Variants in GPD2 observed in about 807,000 individuals in gnomAD.
GPD2 encodes the protein glycerol-3-phosphate dehydrogenase 2.
In GPD2, 54 loss-of-function variants were observed where a neutral mutation model predicts 82.4. That is an observed-to-expected ratio of 0.66 (90% CI 0.53 to 0.82). GPD2 has a LOEUF of 0.82. Ranked by LOEUF, GPD2 falls within the 40% of genes least tolerant of loss-of-function variation. The pLI is 0.00. For missense variants in GPD2, 748 were observed against 896.2 expected (o/e 0.83, Z 2.11); for synonymous variants, 288 against 306.1 (o/e 0.94, Z 0.62).
intron 9 of GPD2, among the ~76,000 whole-genome samples, chr2:156,566,774 C>T (rs1030116433): frequency 4.6e-5 from 7 of 152,054 alleles, no homozygotes; most frequent in Non-Finnish European, 7.4e-5. Flanking sequence ...TTTGAGGAAT[C>T]GCCATACATT....
chr2:156,457,293 C>T (rs1682820674), intron 1 of GPD2, among the ~76,000 whole-genome samples: 1 of 152,136 alleles, frequency 6.6e-6, no homozygotes, highest in Non-Finnish European at 1.5e-5. Flanking sequence ...TTAACTCAGG[C>T]CACAAACCTT....
At chr2:156,482,826 A>G (rs1486171072) in intron 2 of GPD2, among the ~76,000 whole-genome samples, 3 of 152,218 alleles carry the variant, frequency 2.0e-5, no homozygotes, top group African/African-American at 7.2e-5. Flanking sequence ...AAAAACCCTG[A>G]TAACAGTGAT....
chr2:156,431,220 T>C (rs1688312778), upstream of GPD2, among the ~76,000 whole-genome samples: 1 of 152,228 alleles, frequency 6.6e-6, no homozygotes. Flanking sequence ...TTCCAAATGC[T>C]GAGTCATTCT....
chr2:156,584,724 TGTGGCTTTACAACTTA>T lies in GPD2; in HGVS notation c.*1810_*1825del, dbSNP rs1688153740. 6.6e-6 allele frequency: 1 copy of T among 152,488 alleles called. No individual in the cohort carries two copies. Among genetic ancestry groups the T allele is most frequent in the Non-Finnish European group, 1.5e-5 (1 of 67,966 alleles). 9.4% of individuals were successfully genotyped at this position (152,488 alleles called of 1,614,324 possible). A position where few individuals can be genotyped will look rare whatever the true frequency, so the allele number is the denominator to read the frequency against. ...TCATTTTTTTAAAGTAATTGAAGCT[TGTGGCTTTACAACTTA>T]GTGTTTTTTGCTATCCAGATAACAA... On this transcript the variant is annotated 3_prime_UTR_variant, in exon 17 of 17. Transcript: ENST00000438166.
chr2:156,404,134 G>A, the GPD2 span, among the ~76,000 whole-genome samples: 137 of 152,204 alleles, frequency 9.0e-4, no homozygotes, highest in Middle Eastern at 3.4e-3. Flanking sequence ...TTGAGAGGCC[G>A]AGACAGAAGG....
At chr2:156,534,606 A>G (rs1323134520) in intron 6 of GPD2, among the ~76,000 whole-genome samples, 3 of 152,224 alleles carry the variant, frequency 2.0e-5, no homozygotes, top group East Asian at 1.9e-4. Context: ...TGGAATGACT[A>G]TAAAGGAAGC....
At chr2:156,402,798 G>A in the GPD2 span, among the ~76,000 whole-genome samples, 3 of 152,218 alleles carry the variant, frequency 2.0e-5, no homozygotes, top group African/African-American at 4.8e-5. Flanking sequence ...TTACAGGGGT[G>A]AGCCACTGTG....
At chr2:156,552,759 G>A (rs1686806329) in intron 8 of GPD2, among the ~76,000 whole-genome samples, 1 of 152,164 alleles carries the variant, frequency 6.6e-6, no homozygotes, top group Non-Finnish European at 1.5e-5. Context: ...TGCTCCTTCA[G>A]AGTTTAGAGA....
chr2:156,498,979 G>A (rs1200616714), intron 3 of GPD2, among the ~76,000 whole-genome samples: 3 of 152,082 alleles, frequency 2.0e-5, no homozygotes, highest in Non-Finnish European at 2.9e-5. Context: ...CAAACATAAG[G>A]AACAAGGTCT....
At chr2:156,525,900 C>T (rs1030360501) in intron 6 of GPD2, among the ~76,000 whole-genome samples, 5 of 151,972 alleles carry the variant, frequency 3.3e-5, no homozygotes, top group African/African-American at 1.2e-4. Flanking sequence ...CTTGTTCTGC[C>T]CTATTCCCTC....
rs1685088014 is a variant in GPD2 at position 156,513,632 on chromosome 2, C to G, written c.661+136C>G. ...CAACACACAAACACACGTGCACGCA[C>G]ATATTCACCATTTTCTCTAACGGTG... is the stretch of plus-strand genomic sequence containing the variant. On this transcript the variant is annotated intron_variant, in intron 6 of 16. Transcript: ENST00000438166. 1.6e-5 allele frequency: 11 copies of G among 709,478 alleles called. No homozygotes were observed. The South Asian group carries it at 1.8e-4, about 12-fold the overall frequency. 43.9% of individuals were successfully genotyped at this position (709,478 alleles called of 1,614,324 possible). A position where few individuals can be genotyped will look rare whatever the true frequency, so the allele number is the denominator to read the frequency against.
chr2:156,472,466 G>A (rs944972183), intron 1 of GPD2, among the ~76,000 whole-genome samples: 16 of 151,998 alleles, frequency 1.1e-4, no homozygotes, highest in African/African-American at 2.7e-4. Context: ...GATTACAGGC[G>A]CATGCCACTA....
Position 156,533,891 on chromosome 2 carries a change from G to A in GPD2, c.662-15717G>A, listed in dbSNP as rs1005852498. Among the ~76,000 whole-genome samples, 109 of 152,338 alleles carry A rather than the reference G, an allele frequency of 7.2e-4. 1 individual carries two copies. Among genetic ancestry groups the A allele is most frequent in the African/African-American group, 2.6e-3 (107 of 41,580 alleles). On this transcript the variant is annotated intron_variant, in intron 6 of 16. Coordinates refer to ENST00000438166, the MANE Select transcript of GPD2 (RefSeq NM_000408.5). ...TGAGCGCTTTTGGGCTCCAGCCCAC[G>A]GTAGCGTCTAGGGGTGGGTGTCTGT... is the stretch of plus-strand genomic sequence containing the variant.
chr2:156,498,005 G>A (rs1305637074), intron 3 of GPD2, among the ~76,000 whole-genome samples: 1 of 152,140 alleles, frequency 6.6e-6, no homozygotes, highest in Non-Finnish European at 1.5e-5. Flanking sequence ...ATAATGGGAG[G>A]TCTTGTTTGG....
At position 156,585,781 on chromosome 2, in the gene GPD2, G is replaced by T. The variant is rs376286152; in HGVS notation, c.*2863G>T. 9.2e-5 allele frequency: 14 copies of T among 152,508 alleles called. No homozygotes were observed. The East Asian group carries it at 2.3e-3, about 25-fold the overall frequency. The allele number at this position is 152,508 out of a possible 1,614,324, so 9.4% of individuals were successfully genotyped here. On this transcript the variant is annotated 3_prime_UTR_variant, in exon 17 of 17. Transcript: ENST00000438166. ...TTTGGCATATGAATGTAATATTAAA[G>T]TCAATGATGCTATAACTTGCGATGT...
At chr2:156,458,877 A>C (rs1338856212) in intron 1 of GPD2, among the ~76,000 whole-genome samples, 2 of 152,182 alleles carry the variant, frequency 1.3e-5, no homozygotes, top group Admixed American at 6.5e-5. Flanking sequence ...AATGCACACA[A>C]GGAAGAAAAT....
chr2:156,404,956 C>G, the GPD2 span, among the ~76,000 whole-genome samples: 1 of 152,102 alleles, frequency 6.6e-6, no homozygotes, highest in Non-Finnish European at 1.5e-5. Flanking sequence ...AGGACACATT[C>G]CCAGCTTGTT....
chr2:156,408,667 A>G, the GPD2 span, among the ~76,000 whole-genome samples: 2 of 150,620 alleles, frequency 1.3e-5, no homozygotes, highest in Admixed American at 6.6e-5. Flanking sequence ...TTGAGCCTGG[A>G]AAGTTGAGGC....
chr2:156,405,801 C>T, the GPD2 span, among the ~76,000 whole-genome samples: 423 of 152,260 alleles, frequency 2.8e-3, 2 homozygotes, highest in African/African-American at 9.7e-3. Context: ...AAGGAAAGCA[C>T]TTGAGCACTG....
Sources: allele counts gnomAD v4.1 joint callset (sites outside exome capture counted in the v4.1 genomes callset), GRCh38; gene constraint gnomAD v4.1.1; transcripts MANE v1.5; gene names NCBI Gene and HGNC (gene_info 2026-07-23, HGNC 2026-07-21).